LHFPL2: variants seen among roughly 807,000 people sequenced by gnomAD.
LHFPL2 encodes LHFPL tetraspan subfamily member 2.
Under a neutral mutation model 17.5 loss-of-function variants are expected in LHFPL2, and 7 were observed. The ratio of observed to expected loss-of-function variants is 0.40; its 90% CI spans 0.23 to 0.75. LHFPL2 has a LOEUF of 0.75. LHFPL2 is among the 30% of genes least tolerant of loss of function. The probability of loss-of-function intolerance (pLI) is 0.37; values close to 1 mark genes in which losing one functional copy is unlikely to be tolerated. For missense variants in LHFPL2, 241 were observed against 294.8 expected (o/e 0.82, Z 1.34); for synonymous variants, 134 against 116.2 (o/e 1.15, Z -0.99).
chr5:78,490,049 A>G (rs1754386575), intron 4 of LHFPL2, among the ~76,000 whole-genome samples: 1 of 152,208 alleles, frequency 6.6e-6, no homozygotes, highest in South Asian at 2.1e-4. Context: ...CTGTATTTAT[A>G]TACACATTTA....
intron 3 of LHFPL2, among the ~76,000 whole-genome samples, chr5:78,510,910 A>G (rs1180377342): frequency 6.6e-6 from 1 of 152,266 alleles, no homozygotes; most frequent in Non-Finnish European, 1.5e-5. Flanking sequence ...AACAGTAGAG[A>G]GTAGCAACAC....
At chr5:78,631,852 C>A (rs1745260834) in intron 2 of LHFPL2, among the ~76,000 whole-genome samples, 1 of 150,080 alleles carries the variant, frequency 6.7e-6, no homozygotes, top group Non-Finnish European at 1.5e-5. Context: ...AGGAGAATGG[C>A]TTGATCCTGG....
chr5:78,617,932 G>A (rs1488474001), intron 2 of LHFPL2, among the ~76,000 whole-genome samples: 1 of 152,090 alleles, frequency 6.6e-6, no homozygotes, highest in African/African-American at 2.4e-5. Context: ...GCTGGGCGCG[G>A]TGGCTCACAC....
chr5:78,585,427 G>C (rs1450574318), intron 2 of LHFPL2, among the ~76,000 whole-genome samples: 2 of 152,132 alleles, frequency 1.3e-5, no homozygotes, highest in African/African-American at 4.8e-5. Context: ...CTGACTCCTT[G>C]AGCTTCCCGA....
intron 3 of LHFPL2, among the ~76,000 whole-genome samples, chr5:78,521,078 CA>C (rs1755443403): frequency 6.6e-6 from 1 of 152,334 alleles, no homozygotes; most frequent in African/African-American, 2.4e-5. Flanking sequence ...AACTGATTAA[CA>C]CATACATATC....
At chr5:78,596,817 A>AT (rs34432764) in intron 2 of LHFPL2, among the ~76,000 whole-genome samples, 61,131 of 151,876 alleles carry the variant, frequency 0.4, 12,585 homozygotes, top group Middle Eastern at 0.49. Flanking sequence ...GAAAATACAA[A>AT]TCTTCCTTTG....
rs114250157 is a variant in LHFPL2 at position 78,591,283 on chromosome 5, G to T, written c.-244-26412C>A. 6.4e-3 allele frequency among the ~76,000 whole-genome samples: 981 copies of T among 152,272 alleles called. 10 individuals are homozygous for T. The highest frequency in any genetic ancestry group is 0.023 in the African/African-American group (944 of 41,548). On this transcript the variant is annotated intron_variant, in intron 2 of 4. Transcript: ENST00000380345. Reference sequence around the variant, plus strand: ...GACCAAACAACAAATGAAATTCAAAGAACGGGGGAAGCAGTTGACCTCAAG... The same window carrying T: ...GACCAAACAACAAATGAAATTCAAATAACGGGGGAAGCAGTTGACCTCAAG...
At chr5:78,565,868 T>C (rs541274562) in intron 2 of LHFPL2, among the ~76,000 whole-genome samples, 5 of 152,378 alleles carry the variant, frequency 3.3e-5, no homozygotes, top group South Asian at 2.1e-4. Flanking sequence ...TATTCCTTAA[T>C]GCAAACTCTA....
chr5:78,492,456 T>A (rs1277866945), intron 4 of LHFPL2, among the ~76,000 whole-genome samples: 2 of 152,122 alleles, frequency 1.3e-5, no homozygotes, highest in African/African-American at 4.8e-5. Flanking sequence ...CTGTCTTGGG[T>A]TCTCTGGGGA....
At chr5:78,591,576 G>A (rs577740302) in intron 2 of LHFPL2, among the ~76,000 whole-genome samples, 2 of 152,274 alleles carry the variant, frequency 1.3e-5, no homozygotes, top group East Asian at 1.9e-4. Context: ...AGCAAATCCC[G>A]AGGCCAACTC....
intron 2 of LHFPL2, among the ~76,000 whole-genome samples, chr5:78,624,280 A>T (rs1744957859): frequency 6.6e-6 from 1 of 152,152 alleles, no homozygotes; most frequent in Non-Finnish European, 1.5e-5. Context: ...TCCCCTGGAG[A>T]GAAATGAGAA....
chr5:78,508,390 A>T (rs1235051428), intron 4 of LHFPL2, among the ~76,000 whole-genome samples: 1 of 152,150 alleles, frequency 6.6e-6, no homozygotes, highest in Non-Finnish European at 1.5e-5. Context: ...CCTTTGGGCC[A>T]GAAAGTTTAA....
At chr5:78,642,836 C>T (rs1422590060) in intron 1 of LHFPL2, among the ~76,000 whole-genome samples, 1 of 152,090 alleles carries the variant, frequency 6.6e-6, no homozygotes. Flanking sequence ...TGCCATGACC[C>T]ATAACAGTCA....
chr5:78,505,330 G>C (rs1754900111), intron 4 of LHFPL2, among the ~76,000 whole-genome samples: 1 of 152,188 alleles, frequency 6.6e-6, no homozygotes, highest in African/African-American at 2.4e-5. Flanking sequence ...CCTTGGACAA[G>C]TTCTCACCTC....
intron 2 of LHFPL2, among the ~76,000 whole-genome samples, chr5:78,572,856 G>T (rs188559358): frequency 6.6e-6 from 1 of 152,102 alleles, no homozygotes; most frequent in African/African-American, 2.4e-5. Flanking sequence ...AGATGGTTTC[G>T]GGATGAAACT....
intron 3 of LHFPL2, among the ~76,000 whole-genome samples, chr5:78,538,338 A>AT (rs11386825): frequency 0.37 from 55,836 of 152,032 alleles, 11,005 homozygotes; most frequent in Middle Eastern, 0.48. Flanking sequence ...CTCATTAAAC[A>AT]TTTTTTTAAA....
At chr5:78,630,682 C>A (rs969360536) in intron 2 of LHFPL2, among the ~76,000 whole-genome samples, 2 of 152,140 alleles carry the variant, frequency 1.3e-5, no homozygotes, top group Non-Finnish European at 2.9e-5. Context: ...CACTTACTGT[C>A]TGGGAACCTC....
chr5:78,586,107 T>C (rs1324590319), intron 2 of LHFPL2, among the ~76,000 whole-genome samples: 2 of 152,230 alleles, frequency 1.3e-5, no homozygotes, highest in Non-Finnish European at 2.9e-5. Flanking sequence ...CATTTGGAAA[T>C]GTAATGAACT....
intron 2 of LHFPL2, among the ~76,000 whole-genome samples, chr5:78,571,224 T>C (rs1756991399): frequency 6.6e-6 from 1 of 152,138 alleles, no homozygotes; most frequent in Non-Finnish European, 1.5e-5. Flanking sequence ...GCTCCTCTCC[T>C]TTTTTTGGCC....
Sources: gnomAD v4.1 joint callset for allele counts (sites outside exome capture counted in the v4.1 genomes callset) on GRCh38, gnomAD v4.1.1 for gene constraint, MANE v1.5 for transcripts, NCBI Gene and HGNC (gene_info 2026-07-23, HGNC 2026-07-21) for gene names.